Variants in INTS13 observed in about 807,000 individuals in gnomAD.
INTS13 encodes the protein asunder, spermatogenesis regulator homolog (Drosphila).
A neutral mutation model predicts 90.2 loss-of-function variants in INTS13; 35 were observed. The observed-to-expected ratio is 0.39, with a 90% CI of 0.30 to 0.51. The LOEUF (loss-of-function observed/expected upper bound fraction) is 0.51. Among genes scored for constraint, INTS13 ranks in the 20% least tolerant of loss-of-function variants. INTS13 has a pLI of 0.80. For synonymous variants in INTS13, 309 were observed against 277.1 expected, an observed-to-expected ratio of 1.11 and a Z score of -1.14; for missense variants, 601 against 851.2, an observed-to-expected ratio of 0.71 and a Z score of 3.66.
In INTS13 at chr12:26,916,003, G is replaced by T. The variant is rs769601793; in HGVS notation, c.1247C>A (p.Thr416Lys). Residue 416 changes from threonine to lysine, a missense_variant and splice_region_variant, in exon 11 of 17, where the codon ACA becomes AAA. Transcript: ENST00000261191. Reference sequence around the variant, plus strand: ...AATTTATAGATATTAGAGTCTTACTGTAATCCGGTAGTCTGTAACTCTTCC... The same window carrying T: ...AATTTATAGATATTAGAGTCTTACTTTAATCCGGTAGTCTGTAACTCTTCC... ...CGGRVTDYRITDFGEFMRENR... is the reference protein window; with the variant it reads ...CGGRVTDYRIKDFGEFMRENR... 6.2e-7 allele frequency: 1 copy of T among 1,607,168 alleles called. No homozygotes were observed. The highest frequency in any genetic ancestry group is 8.5e-7 in the Non-Finnish European group (1 of 1,176,710).
chr12:26,927,124 A>G lies in INTS13; in HGVS notation c.584+1081T>C, dbSNP rs558515059. Among the ~76,000 whole-genome samples, 5 of 152,376 alleles carry G rather than the reference A, an allele frequency of 3.3e-5. No individual in the cohort carries two copies. In the East Asian group the frequency reaches 7.7e-4, roughly 23 times the overall value. ...CCTCACCCACTTCATGTGTCTGTGC[A>G]TCTGTATCCTTCATAATAAATCAGA... is the stretch of plus-strand genomic sequence containing the variant. On this transcript the variant is annotated intron_variant, in intron 5 of 16. Transcript: ENST00000261191.
intron 15 of INTS13, among the ~76,000 whole-genome samples, chr12:26,906,654 G>C (rs908433298): frequency 6.6e-6 from 1 of 152,138 alleles, no homozygotes; most frequent in Non-Finnish European, 1.5e-5. Context: ...CTAGTTCAGT[G>C]ACTGATGGAA....
At chr12:26,930,864 A>G (rs939848608) in intron 3 of INTS13, among the ~76,000 whole-genome samples, 1 of 152,212 alleles carries the variant, frequency 6.6e-6, no homozygotes, top group Non-Finnish European at 1.5e-5. Context: ...CTTTCACAGT[A>G]TTTAAAAAAG....
chr12:26,924,379 A>T lies in INTS13; in HGVS notation c.780T>A (p.Thr260=), dbSNP rs1421569369. The change falls in exon 7 of 17, where the codon ACT becomes ACA. Residue 260 remains threonine (T), a synonymous_variant. Coordinates refer to ENST00000261191, the MANE Select transcript of INTS13 (RefSeq NM_018164.3). ...LVQQHFDLAS[T]TITNIPMKEE... ...CCTTCATTGGAATATTTGTAATAGTAGTTGAAGCCAAGTCAAAATGTTGCT... is the reference window on the plus strand; with the variant it reads ...CCTTCATTGGAATATTTGTAATAGTTGTTGAAGCCAAGTCAAAATGTTGCT... The T allele has an allele frequency of 1.2e-6, 2 of 1,612,786 alleles. No individual in the cohort carries two copies. The highest frequency in any genetic ancestry group is 1.7e-6 in the Non-Finnish European group (2 of 1,179,350).
At chr12:26,912,573 G>A (rs1304728174) in intron 14 of INTS13, among the ~76,000 whole-genome samples, 2 of 152,128 alleles carry the variant, frequency 1.3e-5, no homozygotes, top group African/African-American at 4.8e-5. Flanking sequence ...ATGTTTTTCA[G>A]ATTTAACGCT....
At chr12:26,928,357 G>T (rs562521369) in intron 4 of INTS13, 72 bp from the exon 5 acceptor site, 2 of 1,170,810 alleles carry the variant, frequency 1.7e-6, no homozygotes, top group Non-Finnish European at 1.3e-6. Context: ...ACACTCTTCC[G>T]CTTTAATATG....
At chr12:26,906,124 ATAAC>A (rs1308517406) in intron 16 of INTS13, among the ~76,000 whole-genome samples, 174 bp downstream of exon 16, 1 of 152,204 alleles carries the variant, frequency 6.6e-6, no homozygotes, top group Non-Finnish European at 1.5e-5. Context: ...TACAATCAAT[ATAAC>A]TAAGCCTTTT....
intron 8 of INTS13, among the ~76,000 whole-genome samples, chr12:26,920,403 CT>C (rs35574943): frequency 0.5 from 71,947 of 142,498 alleles, 17,496 homozygotes; most frequent in East Asian, 0.77. Context: ...ATTTTTGACA[CT>C]TTTTTTTTTT....
At chr12:26,928,567 A>G (rs77278109) in intron 4 of INTS13, 136 bp downstream of exon 4, 1 of 877,478 alleles carries the variant, frequency 1.1e-6, no homozygotes, top group Non-Finnish European at 1.7e-6. Flanking sequence ...AAAAAAAAAA[A>G]AGAAAAAAAT....
At chr12:26,913,792 G>T in intron 13 of INTS13, 105 bp from the exon 14 acceptor site, 2 of 1,178,020 alleles carry the variant, frequency 1.7e-6, no homozygotes, top group African/African-American at 1.5e-5. Flanking sequence ...CCTCTTACTT[G>T]GTACTTAATA....
At chr12:26,927,376 A>G (rs1937935940) in intron 5 of INTS13, among the ~76,000 whole-genome samples, 1 of 152,224 alleles carries the variant, frequency 6.6e-6, no homozygotes, top group Non-Finnish European at 1.5e-5. Context: ...GAATTGTAGG[A>G]CACACAGTTG....
intron 14 of INTS13, among the ~76,000 whole-genome samples, chr12:26,912,789 G>A (rs1951820154): frequency 6.6e-6 from 1 of 151,766 alleles, no homozygotes. Context: ...GTGCAGTGGA[G>A]GAATCTCGGC....
chr12:26,911,872 G>C (rs117558848), intron 14 of INTS13, among the ~76,000 whole-genome samples: 17 of 152,308 alleles, frequency 1.1e-4, no homozygotes, highest in Middle Eastern at 3.4e-3. Context: ...CCCTCTTACA[G>C]TGAGCCAGTA....
intron 8 of INTS13, among the ~76,000 whole-genome samples, chr12:26,919,571 T>C (rs565138908): frequency 6.6e-6 from 1 of 152,172 alleles, no homozygotes; most frequent in East Asian, 1.9e-4. Context: ...ATTAGGGAAA[T>C]GTTATTGGTA....
In INTS13 at chr12:26,924,501, A is replaced by G. The variant is rs1226197177; in HGVS notation, c.676-18T>C. On this transcript the variant is annotated intron_variant, in intron 6 of 16. Transcript: ENST00000261191. ...GGGGACAACTACAGAAAAACATACA[A>G]GAAAAATAATCCACAAAATATTAAT... is the stretch of plus-strand genomic sequence containing the variant. The G allele has an allele frequency of 2.5e-6, 4 of 1,588,916 alleles. No individual in the cohort carries two copies. The highest frequency in any genetic ancestry group is 3.4e-6 in the Non-Finnish European group (4 of 1,166,830).
chr12:26,917,484 T>G, intron 9 of INTS13, 43 bp from the exon 10 acceptor site: 1 of 1,296,276 alleles, frequency 7.7e-7, no homozygotes, highest in Non-Finnish European at 1.1e-6. Flanking sequence ...TATAAAGAAA[T>G]ATTCCCACAA....
chr12:26,910,715 G>A (rs951873466), intron 15 of INTS13, among the ~76,000 whole-genome samples: 1 of 152,098 alleles, frequency 6.6e-6, no homozygotes, highest in Non-Finnish European at 1.5e-5. Flanking sequence ...AGCAGCATAA[G>A]ACTGGACTAA....
rs1321035684 is a variant in INTS13 at position 26,917,551 on chromosome 12, A to G, written c.979+93T>C. The G allele has an allele frequency of 1.6e-5, 21 of 1,353,232 alleles. No homozygotes were observed. In the Admixed American group the frequency reaches 4.4e-4, roughly 28 times the overall value. 83.8% of individuals were successfully genotyped at this position (1,353,232 alleles called of 1,614,324 possible). On this transcript the variant is annotated intron_variant, in intron 9 of 16. Transcript: ENST00000261191. ...AGTTCATTGAGTCCTGAAACAATGA[A>G]AAACGAAAATGCAAAACAGAATAAA...
At chr12:26,934,265 C>T (rs781151851) in intron 3 of INTS13, among the ~76,000 whole-genome samples, 26 of 152,120 alleles carry the variant, frequency 1.7e-4, no homozygotes, top group Non-Finnish European at 3.2e-4. Flanking sequence ...AAGACTCCGT[C>T]TCAAAATAAA....
Sources: gnomAD v4.1 joint callset for allele counts (sites outside exome capture counted in the v4.1 genomes callset) on GRCh38, gnomAD v4.1.1 for gene constraint, MANE v1.5 for transcripts, NCBI Gene and HGNC (gene_info 2026-07-23, HGNC 2026-07-21) for gene names.